The following GSAP variants were observed in gnomAD, a reference collection of about 807,000 sequenced individuals.
The protein encoded by GSAP is gamma-secretase-activating protein.
A neutral mutation model predicts 131.7 loss-of-function variants in GSAP; 118 were observed. That is an observed-to-expected ratio of 0.90 (90% CI 0.77 to 1.04). GSAP has a LOEUF of 1.04. Among genes scored for constraint, GSAP ranks in the 50% least tolerant of loss-of-function variants. The pLI is 0.00. For synonymous variants in GSAP, 381 were observed against 363.4 expected, an observed-to-expected ratio of 1.05 and a Z score of -0.55; for missense variants, 1,019 against 1,013.2, an observed-to-expected ratio of 1.01 and a Z score of -0.08.
chr7:77,406,905 C>T (rs930518886), intron 1 of GSAP, among the ~76,000 whole-genome samples: 2 of 152,192 alleles, frequency 1.3e-5, no homozygotes, highest in African/African-American at 2.4e-5. Flanking sequence ...GCTGCTAAGG[C>T]GGTTTTGGTG....
At chr7:77,377,444 G>T in intron 8 of GSAP, 54 bp from the exon 9 acceptor site, 1 of 1,435,024 alleles carries the variant, frequency 7.0e-7, no homozygotes. Context: ...TTTTAAAGGA[G>T]AACATATCTG....
At chr7:77,416,180 C>T in intron 1 of GSAP, 33 bp downstream of exon 1, 3 of 1,030,248 alleles carry the variant, frequency 2.9e-6, no homozygotes, top group Non-Finnish European at 2.7e-6. Context: ...CCACTCCCCG[C>T]CCCCACCCCT....
intron 23 of GSAP, among the ~76,000 whole-genome samples, chr7:77,325,036 G>A (rs747432536): frequency 1.3e-5 from 2 of 151,836 alleles, no homozygotes; most frequent in East Asian, 1.9e-4. Flanking sequence ...GGCTGGTCTC[G>A]AACTCCTGAC....
In GSAP at chr7:77,397,405, G is replaced by T; in HGVS notation, c.254C>A (p.Thr85Asn). The T allele has an allele frequency of 6.4e-7, 1 of 1,571,770 alleles. No individual in the cohort carries two copies. ...CQTRQNELLY[T>N]FEKDLQVFSC... The stretch of plus-strand genomic sequence containing the variant: ...GAAAACTTGCAAGTCTTTCTCAAAG[G>T]TATATAGAAGCTATTAAAACAAAAA... Residue 85 changes from threonine (T) to asparagine (N), a missense_variant, in exon 4 of 31, where the codon ACC becomes AAC. Transcript: ENST00000257626.
intron 19 of GSAP, among the ~76,000 whole-genome samples, chr7:77,343,989 C>T (rs1242958002): frequency 6.6e-6 from 1 of 152,140 alleles, no homozygotes; most frequent in Non-Finnish European, 1.5e-5. Flanking sequence ...TGAGGATTTG[C>T]CCCTGCCCAG....
chr7:77,377,856 C>A (rs1185641032), intron 8 of GSAP, among the ~76,000 whole-genome samples: 1 of 152,168 alleles, frequency 6.6e-6, no homozygotes, highest in African/African-American at 2.4e-5. Flanking sequence ...GGCCATAAAC[C>A]AACCATGCAG....
chr7:77,330,445 C>G, intron 19 of GSAP, 78 bp from the exon 20 acceptor site: 2 of 1,525,222 alleles, frequency 1.3e-6, no homozygotes, highest in Non-Finnish European at 1.8e-6. Context: ...TTACACAAGC[C>G]TTATTTCCCG....
At chr7:77,370,479 T>A (rs1482566116) in intron 12 of GSAP, among the ~76,000 whole-genome samples, 1 of 151,764 alleles carries the variant, frequency 6.6e-6, no homozygotes, top group Non-Finnish European at 1.5e-5. Context: ...CATAAATAAA[T>A]AAATAAAGCA....
chr7:77,413,175 A>C (rs1046971885), intron 1 of GSAP, among the ~76,000 whole-genome samples: 4 of 152,228 alleles, frequency 2.6e-5, no homozygotes, highest in Non-Finnish European at 5.9e-5. Context: ...AGGAGAAGGA[A>C]GCAAGTCCTG....
chr7:77,372,522 G>T (rs957374462), intron 12 of GSAP, among the ~76,000 whole-genome samples: 6 of 152,116 alleles, frequency 3.9e-5, no homozygotes, highest in African/African-American at 1.4e-4. Flanking sequence ...ATCAAAGGAG[G>T]TGTGTACTGA....
chr7:77,365,848 A>G (rs936358530), intron 12 of GSAP, among the ~76,000 whole-genome samples: 1 of 151,198 alleles, frequency 6.6e-6, no homozygotes, highest in Non-Finnish European at 1.5e-5. Context: ...CACTCTCATC[A>G]ACAGTGTATA....
chr7:77,330,176 C>T, intron 20 of GSAP, 63 bp downstream of exon 20: 1 of 1,519,832 alleles, frequency 6.6e-7, no homozygotes, highest in Non-Finnish European at 8.9e-7. Flanking sequence ...GATTTAAAGG[C>T]ATCACCTGGA....
Position 77,382,568 on chromosome 7 carries a change from A to T in GSAP, c.526+6T>A. ...ATTCCCATATTCCACCTAAAGATACACTTACATTTCTCTTCTGAAATCAGT... is the reference window on the plus strand; with the variant it reads ...ATTCCCATATTCCACCTAAAGATACTCTTACATTTCTCTTCTGAAATCAGT... On this transcript the variant is annotated splice_donor_region_variant and intron_variant, in intron 7 of 30. Coordinates refer to ENST00000257626, the MANE Select transcript of GSAP (RefSeq NM_017439.4). The T allele has an allele frequency of 6.9e-7, 1 of 1,447,422 alleles. No homozygotes were observed. Among genetic ancestry groups the T allele is most frequent in the Non-Finnish European group, 9.7e-7 (1 of 1,028,346 alleles). 89.7% of individuals were successfully genotyped at this position (1,447,422 alleles called of 1,614,324 possible).
chr7:77,387,228 C>T (rs1488502018), intron 6 of GSAP, 132 bp downstream of exon 6: 4 of 477,090 alleles, frequency 8.4e-6, no homozygotes, highest in African/African-American at 8.0e-5. Flanking sequence ...CGGATACTTC[C>T]AGCCATAGTA....
chr7:77,338,827 A>G (rs1790450109), intron 19 of GSAP, among the ~76,000 whole-genome samples: 1 of 152,244 alleles, frequency 6.6e-6, no homozygotes. Context: ...ATTGCAATTT[A>G]TTAAACATTT....
chr7:77,414,844 C>CCTTTTTTT (rs1803991224), intron 1 of GSAP, among the ~76,000 whole-genome samples: 12 of 59,858 alleles, frequency 2.0e-4, no homozygotes, highest in African/African-American at 8.9e-4. Flanking sequence ...ATGTGGGCGA[C>CCTTTTTTT]TTTTTTTTTT....
intron 5 of GSAP, among the ~76,000 whole-genome samples, chr7:77,394,832 T>C (rs567587504): frequency 2.8e-4 from 43 of 152,262 alleles, no homozygotes; most frequent in East Asian, 1.5e-3. Flanking sequence ...AGGCAGTAAA[T>C]AGATTTTCCC....
intron 8 of GSAP, among the ~76,000 whole-genome samples, chr7:77,378,181 GT>G (rs1797245322): frequency 6.6e-6 from 1 of 152,144 alleles, no homozygotes; most frequent in Non-Finnish European, 1.5e-5. Context: ...AGGAATGTTT[GT>G]TTGGAAGGCG....
At chr7:77,377,237 T>TACAAAAAAAAAAAAAAAA in intron 9 of GSAP, 49 bp downstream of exon 9, 1 of 891,784 alleles carries the variant, frequency 1.1e-6, no homozygotes, top group Non-Finnish European at 1.4e-6. Context: ...AATATTTTTG[T>TACAAAAAAAAAAAAAAAA]AAAAAAAAAA....
Sources: allele counts gnomAD v4.1 joint callset (sites outside exome capture counted in the v4.1 genomes callset), GRCh38; gene constraint gnomAD v4.1.1; transcripts MANE v1.5; gene names NCBI Gene and HGNC (gene_info 2026-07-23, HGNC 2026-07-21).